Variants in HS3ST2 observed in about 807,000 individuals in gnomAD.
The protein encoded by HS3ST2 is heparan sulfate glucosamine 3-O-sulfotransferase 2.
HS3ST2 carries 17 observed loss-of-function variants against 26.3 expected under a neutral mutation model. The observed-to-expected ratio is 0.65, with a 90% CI of 0.44 to 0.97. The LOEUF is 0.97. Among genes scored for constraint, HS3ST2 ranks in the 50% least tolerant of loss-of-function variants. HS3ST2 has a pLI of 0.00. For synonymous variants in HS3ST2, 237 were observed against 219.2 expected, an observed-to-expected ratio of 1.08 and a Z score of -0.72; for missense variants, 402 against 501.2, an observed-to-expected ratio of 0.80 and a Z score of 1.89.
At position 22,898,863 on chromosome 16, in the gene HS3ST2, A is replaced by C. The variant is rs1473484552; in HGVS notation, c.486-16081A>C. On this transcript the variant is annotated intron_variant, in intron 1 of 1. Coordinates refer to ENST00000261374, the MANE Select transcript of HS3ST2 (RefSeq NM_006043.2). ...CAACTCCTGCTCACCCCTTGCAATC[A>C]TGGAGCTTAATGTATCCTGGTACGA... Among the ~76,000 whole-genome samples the C allele has an allele frequency of 2.0e-5, 3 of 152,168 alleles. No individual in the cohort carries two copies. In the East Asian group the frequency reaches 5.8e-4, roughly 29 times the overall value.
chr16:22,843,147 GATGTATGT>G (rs1219688643), intron 1 of HS3ST2, among the ~76,000 whole-genome samples: 2 of 148,680 alleles, frequency 1.3e-5, no homozygotes, highest in Non-Finnish European at 3.0e-5. Flanking sequence ...TCTGTGACTA[GATGTATGT>G]ATGTGTGTGT....
intron 1 of HS3ST2, among the ~76,000 whole-genome samples, chr16:22,830,868 CTT>C (rs1316716298): frequency 6.6e-6 from 1 of 152,230 alleles, no homozygotes; most frequent in Non-Finnish European, 1.5e-5. Context: ...CCACTCATAA[CTT>C]TTACTCAAAT....
chr16:22,885,316 T>A (rs1023977932), intron 1 of HS3ST2, among the ~76,000 whole-genome samples: 2 of 151,334 alleles, frequency 1.3e-5, no homozygotes, highest in Non-Finnish European at 2.9e-5. Flanking sequence ...TCCCTAGAGA[T>A]AAAATTGAGA....
intron 1 of HS3ST2, among the ~76,000 whole-genome samples, chr16:22,857,016 C>A (rs1024028831): frequency 1.3e-5 from 2 of 152,106 alleles, no homozygotes; most frequent in Admixed American, 1.3e-4. Flanking sequence ...GAGGCACTAT[C>A]CTAGGTGTTT....
intron 1 of HS3ST2, among the ~76,000 whole-genome samples, chr16:22,838,623 G>A (rs1305746366): frequency 1.3e-5 from 2 of 152,232 alleles, no homozygotes; most frequent in Admixed American, 1.3e-4. Flanking sequence ...ACTCAACTGC[G>A]GAAGCTTCTG....
chr16:22,847,923 A>AAAGGAAGGAAGG (rs202057653), intron 1 of HS3ST2, among the ~76,000 whole-genome samples: 1 of 151,342 alleles, frequency 6.6e-6, no homozygotes, highest in Non-Finnish European at 1.5e-5. Context: ...GGAAGGAAGA[A>AAAGGAAGGAAGG]AAGGAAGGAA....
At chr16:22,893,547 T>C (rs1338551205) in intron 1 of HS3ST2, among the ~76,000 whole-genome samples, 2 of 152,136 alleles carry the variant, frequency 1.3e-5, no homozygotes, top group African/African-American at 2.4e-5. Context: ...TTTTGACCTA[T>C]TTCTGCACTG....
intron 1 of HS3ST2, among the ~76,000 whole-genome samples, chr16:22,840,823 T>A (rs1248405675): frequency 6.6e-6 from 1 of 152,154 alleles, no homozygotes; most frequent in African/African-American, 2.4e-5. Flanking sequence ...TTTTTTAAAT[T>A]ATTATTATAC....
chr16:22,824,301 C>T (rs1435627722), intron 1 of HS3ST2, among the ~76,000 whole-genome samples: 1 of 152,182 alleles, frequency 6.6e-6, no homozygotes, highest in African/African-American at 2.4e-5. Context: ...GTAATCCCAG[C>T]ACTTTGGGAG....
At chr16:22,880,980 T>C (rs1022030688) in intron 1 of HS3ST2, among the ~76,000 whole-genome samples, 3 of 152,242 alleles carry the variant, frequency 2.0e-5, no homozygotes, top group Admixed American at 2.0e-4. Flanking sequence ...TGAGACTAGA[T>C]GCATCGCTGG....
intron 1 of HS3ST2, among the ~76,000 whole-genome samples, chr16:22,860,554 T>G (rs1901660402): frequency 6.6e-6 from 1 of 152,138 alleles, no homozygotes; most frequent in African/African-American, 2.4e-5. Context: ...CTATATCACT[T>G]GCTTTTGGGG....
chr16:22,874,419 G>C (rs1266087911), intron 1 of HS3ST2, among the ~76,000 whole-genome samples: 1 of 152,110 alleles, frequency 6.6e-6, no homozygotes, highest in Non-Finnish European at 1.5e-5. Context: ...TTCTTCACTG[G>C]CAATTGCACT....
intron 1 of HS3ST2, among the ~76,000 whole-genome samples, chr16:22,891,997 G>A (rs1050668179): frequency 7.9e-5 from 12 of 152,078 alleles, no homozygotes; most frequent in East Asian, 1.9e-4. Flanking sequence ...CAAGTGGGCC[G>A]GGCGTGATGG....
intron 1 of HS3ST2, among the ~76,000 whole-genome samples, chr16:22,908,080 CTG>C (rs1902378284): frequency 6.6e-6 from 1 of 152,108 alleles, no homozygotes; most frequent in Non-Finnish European, 1.5e-5. Flanking sequence ...TAAGCTGAGA[CTG>C]TGCCACTGTA....
intron 1 of HS3ST2, among the ~76,000 whole-genome samples, chr16:22,829,859 T>C (rs1477468908): frequency 6.6e-6 from 1 of 152,148 alleles, no homozygotes; most frequent in Non-Finnish European, 1.5e-5. Context: ...TCCCTGATTG[T>C]GTTTGAAGGA....
At chr16:22,900,038 C>T (rs1902262833) in intron 1 of HS3ST2, among the ~76,000 whole-genome samples, 1 of 152,234 alleles carries the variant, frequency 6.6e-6, no homozygotes, top group Non-Finnish European at 1.5e-5. Context: ...CTCAGGTGCT[C>T]CTGGCACCCA....
intron 1 of HS3ST2, among the ~76,000 whole-genome samples, chr16:22,858,681 A>G (rs1901635464): frequency 1.3e-5 from 2 of 152,162 alleles, no homozygotes; most frequent in Admixed American, 1.3e-4. Context: ...TTCAAGTCCC[A>G]GCTTTGTACT....
intron 1 of HS3ST2, among the ~76,000 whole-genome samples, chr16:22,870,924 T>C (rs1325637994): frequency 1.3e-5 from 2 of 152,192 alleles, no homozygotes; most frequent in Admixed American, 1.3e-4. Flanking sequence ...CAACTTAAGA[T>C]TTTTCGACTT....
intron 1 of HS3ST2, among the ~76,000 whole-genome samples, chr16:22,837,908 A>G (rs920532220): frequency 2.2e-4 from 33 of 152,228 alleles, no homozygotes; most frequent in African/African-American, 7.7e-4. Context: ...AAAGAATTTC[A>G]TCTTTTCAAT....
Sources: gnomAD v4.1 joint callset for allele counts (sites outside exome capture counted in the v4.1 genomes callset) on GRCh38, gnomAD v4.1.1 for gene constraint, MANE v1.5 for transcripts, NCBI Gene and HGNC (gene_info 2026-07-23, HGNC 2026-07-21) for gene names.